The following MEF2C variants were observed in gnomAD, a reference collection of about 807,000 sequenced individuals.
The protein encoded by MEF2C is myocyte enhancer factor 2C, also known as myocyte-specific enhancer factor 2C.
In MEF2C, 6 loss-of-function variants were observed where a neutral mutation model predicts 50.5. The observed-to-expected ratio is 0.12, with a 90% confidence interval of 0.07 to 0.23. The LOEUF (loss-of-function observed/expected upper bound fraction) is 0.23. Ranked by LOEUF, MEF2C falls within the 10% of genes least tolerant of loss-of-function variation. The pLI is 1.00. For synonymous variants in MEF2C, 183 were observed against 228.0 expected (o/e 0.80, Z 1.78); for missense variants, 276 against 605.0 (o/e 0.46, Z 5.70).
At chr5:88,804,071 GGAGAA>G (rs1799392929) in intron 3 of MEF2C, among the ~76,000 whole-genome samples, 4 of 152,138 alleles carry the variant, frequency 2.6e-5, no homozygotes, top group Admixed American at 6.5e-5. Flanking sequence ...AACATTTCTA[GGAGAA>G]TAATTGCCTT....
intron 3 of MEF2C, chr5:88,775,977 C>T (rs962809784): frequency 5.4e-6 from 1 of 185,938 alleles, no homozygotes; most frequent in Non-Finnish European, 1.0e-5. Flanking sequence ...AAATGTTTCA[C>T]CATTATACAC....
At chr5:88,769,994 G>A in intron 3 of MEF2C, 1 of 985,334 alleles carries the variant, frequency 1.0e-6, no homozygotes, top group African/African-American at 1.7e-5. Context: ...AGGCTGGAAT[G>A]CAAAGAATCA....
chr5:88,751,318 A>T, intron 5 of MEF2C: 1 of 985,428 alleles, frequency 1.0e-6, no homozygotes. Context: ...TTCATTTCTG[A>T]TTCAGCTTTG....
chr5:88,816,424 G>A (rs2153175458), intron 2 of MEF2C, among the ~76,000 whole-genome samples: 1 of 149,596 alleles, frequency 6.7e-6, no homozygotes, highest in East Asian at 2.0e-4. Context: ...ATGGCCTGAG[G>A]CCACAGCTGT....
intron 2 of MEF2C, among the ~76,000 whole-genome samples, chr5:88,808,789 A>C (rs1386629340): frequency 6.6e-6 from 1 of 152,132 alleles, no homozygotes; most frequent in Non-Finnish European, 1.5e-5. Flanking sequence ...TCTTCATTTA[A>C]AATATGCCAC....
At chr5:88,896,401 C>G (rs961173117) in intron 1 of MEF2C, among the ~76,000 whole-genome samples, 8 of 152,116 alleles carry the variant, frequency 5.3e-5, no homozygotes, top group African/African-American at 1.9e-4. Flanking sequence ...CCAGAAATGT[C>G]TTGAACAGGG....
chr5:88,735,212 C>T, intron 6 of MEF2C: 1 of 985,392 alleles, frequency 1.0e-6, no homozygotes, highest in Non-Finnish European at 1.2e-6. Context: ...ACTCAGAATG[C>T]TGCGGCCTGT....
At chr5:88,832,607 T>G (rs1813497101) in intron 1 of MEF2C, among the ~76,000 whole-genome samples, 1 of 152,134 alleles carries the variant, frequency 6.6e-6, no homozygotes, top group South Asian at 2.1e-4. Flanking sequence ...TAGCTCCTAT[T>G]CACATCTGGC....
chr5:88,825,385 C>T (rs1810414232), intron 1 of MEF2C: 2 of 605,446 alleles, frequency 3.3e-6, no homozygotes, highest in Non-Finnish European at 4.1e-6. Flanking sequence ...TTGCCTCACG[C>T]CTCTCTACTA....
intron 3 of MEF2C, chr5:88,782,191 A>T: frequency 1.0e-6 from 1 of 981,030 alleles, no homozygotes; most frequent in Non-Finnish European, 1.2e-6. Context: ...CTCCTAGGCC[A>T]GGCACAGTGG....
intron 6 of MEF2C, chr5:88,734,675 C>A: frequency 1.0e-6 from 1 of 968,956 alleles, no homozygotes. Context: ...AACAGTGATT[C>A]AGGGCAGCAG....
intron 3 of MEF2C, among the ~76,000 whole-genome samples, chr5:88,775,505 C>G (rs1784348571): frequency 6.6e-6 from 1 of 152,174 alleles, no homozygotes; most frequent in Non-Finnish European, 1.5e-5. Flanking sequence ...TGTACTATTA[C>G]TGATACTGCA....
chr5:88,820,296 C>T (rs1271180996), intron 2 of MEF2C, among the ~76,000 whole-genome samples: 2 of 151,952 alleles, frequency 1.3e-5, no homozygotes, highest in African/African-American at 2.4e-5. Flanking sequence ...TTTTTATTCT[C>T]ACCTAAACTA....
intron 1 of MEF2C, among the ~76,000 whole-genome samples, chr5:88,869,855 G>A (rs1222020605): frequency 6.7e-6 from 1 of 150,042 alleles, no homozygotes; most frequent in Non-Finnish European, 1.5e-5. Flanking sequence ...TTTTGTGAAA[G>A]GATGGTGTAT....
intron 3 of MEF2C, among the ~76,000 whole-genome samples, chr5:88,795,112 T>C (rs991881909): frequency 6.6e-6 from 1 of 152,150 alleles, no homozygotes. Flanking sequence ...CTTAGCATTG[T>C]CTTGGCTATA....
At chr5:88,832,071 G>A (rs1203007973) in intron 1 of MEF2C, among the ~76,000 whole-genome samples, 2 of 152,096 alleles carry the variant, frequency 1.3e-5, no homozygotes, top group Admixed American at 6.6e-5. Flanking sequence ...ATTTCCTTAT[G>A]TACATTAGCT....
At chr5:88,780,373 A>G (rs1787333937) in intron 3 of MEF2C, among the ~76,000 whole-genome samples, 1 of 152,196 alleles carries the variant, frequency 6.6e-6, no homozygotes, top group Non-Finnish European at 1.5e-5. Context: ...GTTGACTGAG[A>G]TGGCCATCCC....
chr5:88,823,830 AT>A lies in MEF2C; in HGVS notation c.-43del. The A allele has an allele frequency of 6.2e-7, 1 of 1,601,828 alleles. No homozygotes were observed. Among genetic ancestry groups the A allele is most frequent in the South Asian group, 1.1e-5 (1 of 88,782 alleles). On this transcript the variant is annotated 5_prime_UTR_variant, in exon 2 of 11. Transcript: ENST00000504921. ...CTCTCTCTCGTCCCTGAAATTATGT[AT>A]TTTTTCCTTCCTTTTCTTTCTCTTT...
chr5:88,741,868 A>T (rs763170954), intron 6 of MEF2C: 20 of 985,280 alleles, frequency 2.0e-5, no homozygotes, highest in Non-Finnish European at 2.3e-5. Context: ...AACACAGTGA[A>T]CACTTAGCAC....
Sources: allele counts gnomAD v4.1 joint callset (sites outside exome capture counted in the v4.1 genomes callset), GRCh38; gene constraint gnomAD v4.1.1; transcripts MANE v1.5; gene names NCBI Gene and HGNC (gene_info 2026-07-23, HGNC 2026-07-21).